Variants in LRIG1 observed in about 807,000 individuals in gnomAD.
LRIG1 encodes leucine rich repeats and immunoglobulin like domains 1.
Under a neutral mutation model 99.2 loss-of-function variants are expected in LRIG1, and 48 were observed. The ratio of observed to expected loss-of-function variants is 0.48; its 90% CI spans 0.38 to 0.62. The LOEUF is 0.62. LRIG1 is among the 20% of genes least tolerant of loss of function. LRIG1 has a pLI of 0.00. For missense variants in LRIG1, 1,646 were observed against 1,434.4 expected (o/e 1.15, Z -2.38); for synonymous variants, 772 against 596.1 (o/e 1.29, Z -4.30).
intron 12 of LRIG1, among the ~76,000 whole-genome samples, chr3:66,389,031 T>C (rs536804601): frequency 6.6e-6 from 1 of 152,268 alleles, no homozygotes; most frequent in African/African-American, 2.4e-5. Flanking sequence ...AACCAGTAAT[T>C]ATAAGGCTGT....
At chr3:66,407,266 G>C in intron 8 of LRIG1, 82 bp downstream of exon 8, 2 of 1,468,860 alleles carry the variant, frequency 1.4e-6, no homozygotes, top group Non-Finnish European at 1.9e-6. Context: ...AACGCAAATG[G>C]AGTTCAACAA....
At chr3:66,408,765 T>A (rs561425079) in intron 7 of LRIG1, among the ~76,000 whole-genome samples, 106 of 152,124 alleles carry the variant, frequency 7.0e-4, no homozygotes, top group African/African-American at 2.4e-3. Flanking sequence ...CAGCACCACA[T>A]GGAATGCACA....
chr3:66,398,935 G>A (rs368927229), intron 10 of LRIG1, 35 bp downstream of exon 10: 1 of 1,590,624 alleles, frequency 6.3e-7, no homozygotes, highest in Non-Finnish European at 8.6e-7. Flanking sequence ...CATTCAGCAG[G>A]CTGTGCCTCA....
intron 1 of LRIG1, among the ~76,000 whole-genome samples, chr3:66,488,042 C>T (rs1458299982): frequency 6.6e-6 from 1 of 151,960 alleles, no homozygotes; most frequent in Non-Finnish European, 1.5e-5. Context: ...CCGGAAGTTT[C>T]GTTTTATGAA....
chr3:66,475,132 T>G (rs1700691395), intron 1 of LRIG1, among the ~76,000 whole-genome samples: 1 of 152,206 alleles, frequency 6.6e-6, no homozygotes, highest in Non-Finnish European at 1.5e-5. Context: ...CAGCTAGGAC[T>G]TAGCCTAACA....
chr3:66,492,539 A>G (rs568249261), intron 1 of LRIG1, among the ~76,000 whole-genome samples: 4 of 152,278 alleles, frequency 2.6e-5, no homozygotes, highest in African/African-American at 7.2e-5. Context: ...TTTCTTCCCA[A>G]TAATGTGAGA....
chr3:66,398,992 C>T lies in LRIG1; in HGVS notation c.1210G>A (p.Gly404Arg), dbSNP rs576361868. The T allele has an allele frequency of 1.6e-4, 257 of 1,614,190 alleles. 2 individuals are homozygous for T. The South Asian group carries it at 2.5e-3, about 15-fold the overall frequency. ...CACAGGTGCTCCAGGCCTTCCAGCC[C>T]CGAGAATGCTCTCTTAGCCACAGAC... is the stretch of plus-strand genomic sequence containing the variant. ...IKSVAKRAFS[G>R]LEGLEHLNLG... The change falls in exon 10 of 19, where the codon GGG becomes AGG. Residue 404 changes from glycine to arginine, a missense_variant. By Grantham distance (125) the Gly-to-Arg change is moderately radical (BLOSUM62 -2). Coordinates refer to ENST00000273261, the MANE Select transcript of LRIG1 (RefSeq NM_015541.3).
intron 12 of LRIG1, among the ~76,000 whole-genome samples, chr3:66,389,325 G>C (rs1008080462): frequency 6.6e-6 from 1 of 151,950 alleles, no homozygotes; most frequent in Non-Finnish European, 1.5e-5. Flanking sequence ...GAAACAAAAA[G>C]ATAGGACACA....
intron 8 of LRIG1, among the ~76,000 whole-genome samples, chr3:66,406,778 T>C (rs1467771968): frequency 6.6e-6 from 1 of 152,144 alleles, no homozygotes; most frequent in Non-Finnish European, 1.5e-5. Flanking sequence ...CATTAGCACC[T>C]CCACTTTGTT....
intron 1 of LRIG1, among the ~76,000 whole-genome samples, chr3:66,464,517 A>AC (rs1700427457): frequency 6.6e-6 from 1 of 151,304 alleles, no homozygotes; most frequent in Non-Finnish European, 1.5e-5. Flanking sequence ...AAAAAAAAAA[A>AC]AAAACTGAAA....
intron 1 of LRIG1, among the ~76,000 whole-genome samples, chr3:66,465,558 G>A (rs1700455320): frequency 6.6e-6 from 1 of 151,428 alleles, no homozygotes; most frequent in Non-Finnish European, 1.5e-5. Flanking sequence ...TAGAGACAGG[G>A]TTTCACCATG....
intron 3 of LRIG1, among the ~76,000 whole-genome samples, chr3:66,437,689 T>G (rs535807075): frequency 6.6e-6 from 1 of 152,282 alleles, no homozygotes; most frequent in African/African-American, 2.4e-5. Flanking sequence ...ATGGATGGGA[T>G]GCCTGCTACA....
chr3:66,446,794 A>T lies in LRIG1; in HGVS notation c.365+4765T>A, dbSNP rs571217980. Among the ~76,000 whole-genome samples, 3 of 152,086 alleles carry T rather than the reference A, an allele frequency of 2.0e-5. No homozygotes were observed. In the East Asian group the frequency reaches 5.8e-4, roughly 29 times the overall value. On this transcript the variant is annotated intron_variant, in intron 3 of 18. Coordinates refer to ENST00000273261, the MANE Select transcript of LRIG1 (RefSeq NM_015541.3). Reference sequence around the variant, plus strand: ...GCCACCTCAGATATTTTATTAAGTTATTTATAAATGAAGTCTTCCAGGTTC... The same window carrying T: ...GCCACCTCAGATATTTTATTAAGTTTTTTATAAATGAAGTCTTCCAGGTTC...
chr3:66,452,207 G>C (rs1239308515), intron 2 of LRIG1, among the ~76,000 whole-genome samples: 1 of 152,182 alleles, frequency 6.6e-6, no homozygotes. Context: ...CATCCCCCAG[G>C]AAAATGAACA....
At chr3:66,451,864 A>G (rs1703914279) in intron 2 of LRIG1, among the ~76,000 whole-genome samples, 1 of 152,202 alleles carries the variant, frequency 6.6e-6, no homozygotes, top group Non-Finnish European at 1.5e-5. Flanking sequence ...CACTAAGGGG[A>G]AGCATCTCCT....
At chr3:66,386,914 C>T (rs1180928839) in intron 12 of LRIG1, 1 of 151,890 alleles carries the variant, frequency 6.6e-6, no homozygotes, top group East Asian at 1.9e-4. Context: ...ATTCTTCCCT[C>T]CCCAGCTCCA....
chr3:66,406,544 G>T, intron 8 of LRIG1: 1 of 377,784 alleles, frequency 2.6e-6, no homozygotes, highest in Non-Finnish European at 3.6e-6. Context: ...TGTCACACTG[G>T]AACAGATCCC....
At chr3:66,466,882 G>C (rs1041934243) in intron 1 of LRIG1, among the ~76,000 whole-genome samples, 1 of 152,166 alleles carries the variant, frequency 6.6e-6, no homozygotes, top group African/African-American at 2.4e-5. Flanking sequence ...AAGAAACCTC[G>C]GAGAATTTAG....
At chr3:66,395,091 G>A (rs1701793308) in intron 11 of LRIG1, among the ~76,000 whole-genome samples, 1 of 152,188 alleles carries the variant, frequency 6.6e-6, no homozygotes, top group African/African-American at 2.4e-5. Flanking sequence ...CAAGAGTCTA[G>A]CTGCCTTGTT....
Sources: gnomAD v4.1 joint callset for allele counts (sites outside exome capture counted in the v4.1 genomes callset) on GRCh38, gnomAD v4.1.1 for gene constraint, MANE v1.5 for transcripts, NCBI Gene and HGNC (gene_info 2026-07-23, HGNC 2026-07-21) for gene names.